RBMS3: variants seen among roughly 807,000 people sequenced by gnomAD.
RBMS3 encodes the protein RNA binding motif single stranded interacting protein 3, also known as RNA-binding motif, single-stranded-interacting protein 3.
A neutral mutation model predicts 66.8 loss-of-function variants in RBMS3; 27 were observed. The observed-to-expected ratio is 0.40, with a 90% CI of 0.30 to 0.56. RBMS3 has a LOEUF of 0.56. Ranked by LOEUF, RBMS3 falls within the 20% of genes least tolerant of loss-of-function variation. The pLI is 0.40. For missense variants in RBMS3, 513 were observed against 549.5 expected (o/e 0.93, Z 0.66); for synonymous variants, 188 against 183.0 (o/e 1.03, Z -0.22).
At chr3:29,911,979 ATAGC>A (rs148949478) in intron 10 of RBMS3, among the ~76,000 whole-genome samples, 5,239 of 147,726 alleles carry the variant, frequency 0.035, 104 homozygotes, top group African/African-American at 0.049. Flanking sequence ...CACATACATA[ATAGC>A]TAGATAGATA....
At chr3:29,534,024 A>G (rs1444931668) in intron 3 of RBMS3, among the ~76,000 whole-genome samples, 1 of 152,216 alleles carries the variant, frequency 6.6e-6, no homozygotes, top group Non-Finnish European at 1.5e-5. Context: ...AAGAGTAATT[A>G]AACACTGTGA....
At chr3:29,311,769 T>C (rs1482760739) in intron 1 of RBMS3, among the ~76,000 whole-genome samples, 1 of 151,814 alleles carries the variant, frequency 6.6e-6, no homozygotes, top group African/African-American at 2.4e-5. Flanking sequence ...ATTAGGGGGA[T>C]TGGCCATTTT....
intron 12 of RBMS3, among the ~76,000 whole-genome samples, chr3:29,965,647 G>A (rs1301092018): frequency 6.6e-6 from 1 of 152,078 alleles, no homozygotes; most frequent in African/African-American, 2.4e-5. Context: ...CAGATGTATA[G>A]ATTGTGAAGA....
At chr3:29,424,488 A>C (rs1462815463) in intron 1 of RBMS3, among the ~76,000 whole-genome samples, 1 of 152,222 alleles carries the variant, frequency 6.6e-6, no homozygotes, top group African/African-American at 2.4e-5. Context: ...AGTACTGGGA[A>C]GTAGAAGGAA....
chr3:29,672,796 A>G lies in RBMS3; in HGVS notation c.400-66924A>G, dbSNP rs371343264. ...AGATTCATAAAGCAAGTCCTTAGAG[A>G]CATACAAAGAGGCTTAGACTCCCAC... On this transcript the variant is annotated intron_variant, in intron 4 of 14. Coordinates refer to ENST00000383767, the MANE Select transcript of RBMS3 (RefSeq NM_001003793.3). 3.3e-5 allele frequency among the ~76,000 whole-genome samples: 5 copies of G among 152,296 alleles called. No homozygotes were observed. The South Asian group carries it at 8.3e-4, about 25-fold the overall frequency.
chr3:29,598,387 C>G (rs1266627047), intron 4 of RBMS3, among the ~76,000 whole-genome samples: 1 of 152,012 alleles, frequency 6.6e-6, no homozygotes, highest in Admixed American at 6.6e-5. Context: ...TCAACAACTA[C>G]CCTTGAAAGA....
intron 6 of RBMS3, among the ~76,000 whole-genome samples, chr3:29,839,778 T>G (rs1168746791): frequency 1.3e-5 from 2 of 151,882 alleles, no homozygotes; most frequent in Non-Finnish European, 2.9e-5. Flanking sequence ...CTTTGTGTTC[T>G]GTACTTTGCA....
At chr3:29,685,314 A>G (rs1297691729) in intron 4 of RBMS3, among the ~76,000 whole-genome samples, 16 of 151,596 alleles carry the variant, frequency 1.1e-4, no homozygotes, top group South Asian at 4.2e-4. Context: ...GCCCGCCTCG[A>G]CCTCCCAAAG....
intron 4 of RBMS3, among the ~76,000 whole-genome samples, chr3:29,619,629 A>G (rs1462555413): frequency 2.0e-5 from 3 of 152,152 alleles, no homozygotes; most frequent in South Asian, 4.1e-4. Context: ...CATCTATACA[A>G]TGGGTACAAT....
At chr3:29,791,861 A>G (rs1437224528) in intron 6 of RBMS3, among the ~76,000 whole-genome samples, 2 of 152,222 alleles carry the variant, frequency 1.3e-5, no homozygotes, top group East Asian at 3.8e-4. Context: ...AATAAAAAAA[A>G]CTTGAATTGC....
In RBMS3 at chr3:30,006,412, A is replaced by T. The variant is rs1041319810; in HGVS notation, c.*2550A>T. 1 of 151,922 alleles carries T rather than the reference A, an allele frequency of 6.6e-6. No individual in the cohort carries two copies. The highest frequency in any genetic ancestry group is 2.4e-5 in the African/African-American group (1 of 41,430). 9.4% of individuals were successfully genotyped at this position (151,922 alleles called of 1,614,324 possible). On this transcript the variant is annotated 3_prime_UTR_variant, in exon 15 of 15. Coordinates refer to ENST00000383767, the MANE Select transcript of RBMS3 (RefSeq NM_001003793.3). The stretch of plus-strand genomic sequence containing the variant: ...CACATTGGAGACAAAAGTGTATCCA[A>T]GAAAATGTAGTGTGCGTTATAGAGA...
At chr3:29,582,056 T>C (rs1377182409) in intron 3 of RBMS3, among the ~76,000 whole-genome samples, 7 of 152,170 alleles carry the variant, frequency 4.6e-5, no homozygotes, top group African/African-American at 1.7e-4. Context: ...TTCAACTGAA[T>C]GGCAAAGGTC....
intron 1 of RBMS3, among the ~76,000 whole-genome samples, chr3:29,340,076 A>G (rs940054644): frequency 3.3e-5 from 5 of 152,180 alleles, no homozygotes; most frequent in Non-Finnish European, 7.3e-5. Context: ...CTATTAAAGC[A>G]CAATCCTAGA....
intron 1 of RBMS3, among the ~76,000 whole-genome samples, chr3:29,361,233 G>A (rs2037563928): frequency 6.6e-6 from 1 of 151,942 alleles, no homozygotes; most frequent in Admixed American, 6.6e-5. Flanking sequence ...GCTCTTGTAG[G>A]GCAGGCCTGG....
intron 6 of RBMS3, among the ~76,000 whole-genome samples, chr3:29,828,971 C>T (rs1200520978): frequency 2.7e-5 from 4 of 149,006 alleles, no homozygotes; most frequent in Non-Finnish European, 5.9e-5. Flanking sequence ...CTGCTGTTAG[C>T]GAGTGACTTT....
chr3:29,362,352 G>A (rs2037649441), intron 1 of RBMS3, among the ~76,000 whole-genome samples: 1 of 152,208 alleles, frequency 6.6e-6, no homozygotes, highest in Non-Finnish European at 1.5e-5. Context: ...AGTGGAAGCT[G>A]CAGAACAGCG....
intron 6 of RBMS3, among the ~76,000 whole-genome samples, chr3:29,763,242 T>G (rs1466713633): frequency 6.6e-6 from 1 of 152,074 alleles, no homozygotes; most frequent in Non-Finnish European, 1.5e-5. Flanking sequence ...AAAGAATAGT[T>G]AAAGAATGAT....
intron 6 of RBMS3, among the ~76,000 whole-genome samples, chr3:29,859,354 TAA>T (rs956841605): frequency 2.7e-4 from 41 of 152,184 alleles, no homozygotes; most frequent in African/African-American, 9.7e-4. Context: ...TCCAAAATGA[TAA>T]AGTCAGTCAT....
chr3:29,705,974 C>CCA (rs1360956739), intron 4 of RBMS3, among the ~76,000 whole-genome samples: 5 of 152,116 alleles, frequency 3.3e-5, no homozygotes, highest in Non-Finnish European at 7.4e-5. Context: ...AGCAGGTGTA[C>CCA]CAGCAAGGGC....
Sources: allele counts gnomAD v4.1 joint callset (sites outside exome capture counted in the v4.1 genomes callset), GRCh38; gene constraint gnomAD v4.1.1; transcripts MANE v1.5; gene names NCBI Gene and HGNC (gene_info 2026-07-23, HGNC 2026-07-21).